Variants in PSMC4 observed in about 807,000 individuals in gnomAD.
PSMC4 encodes the protein 26S proteasome regulatory subunit 6B.
Under a neutral mutation model 48.4 loss-of-function variants are expected in PSMC4, and 13 were observed. The ratio of observed to expected loss-of-function variants is 0.27; its 90% CI spans 0.18 to 0.43. PSMC4 has a LOEUF of 0.43. Among genes scored for constraint, PSMC4 ranks in the 20% least tolerant of loss-of-function variants. The pLI, the probability that PSMC4 is intolerant of heterozygous loss-of-function variation, is 1.00. For synonymous variants in PSMC4, 202 were observed against 212.3 expected, an observed-to-expected ratio of 0.95 and a Z score of 0.42; for missense variants, 262 against 555.9, an observed-to-expected ratio of 0.47 and a Z score of 5.32.
Position 39,980,053 on chromosome 19 carries a change from G to A in PSMC4, c.842-17G>A, listed in dbSNP as rs139915410. 1.9e-4 allele frequency: 308 copies of A among 1,614,078 alleles called. No individual in the cohort carries two copies. The African/African-American group carries it at 3.0e-3, about 16-fold the overall frequency. On this transcript the variant is annotated splice_polypyrimidine_tract_variant and intron_variant, in intron 7 of 10. Transcript: ENST00000157812. The surrounding 1 kb of genome is among the most constrained non-coding windows in gnomAD (Gnocchi z 4.8). The stretch of plus-strand genomic sequence containing the variant: ...TCGCATGGGATGCCTGGGACTGACT[G>A]TGCTGTGCACTCTCAGCCGACAGGG...
Position 39,979,821 on chromosome 19 carries a change from A to G in PSMC4, c.678A>G (p.Ala226=), listed in dbSNP as rs761202884. 4 of 1,598,588 alleles carry G rather than the reference A, an allele frequency of 2.5e-6. No homozygotes were observed. The highest frequency in any genetic ancestry group is 3.4e-6 in the Non-Finnish European group (4 of 1,167,006). The change falls in exon 7 of 11, where the codon GCA becomes GCG. Residue 226 remains alanine (A), a synonymous_variant. Coordinates refer to ENST00000157812, the MANE Select transcript of PSMC4 (RefSeq NM_006503.4). ...CTGTTGTCATCCTGTCATCAGCTGCATTCATCCGGGTCGTGGGCTCGGAGT... is the reference window on the plus strand; with the variant it reads ...CTGTTGTCATCCTGTCATCAGCTGCGTTCATCCGGGTCGTGGGCTCGGAGT... The part of the protein sequence containing the change: ...AKAVAHHTTA[A]FIRVVGSEFV...
Position 39,974,817 on chromosome 19 carries a change from A to G in PSMC4, c.662A>G (p.His221Arg). ...GKTMLAKAVAHHTTAAFIRVV... is the reference protein window; with the variant it reads ...GKTMLAKAVARHTTAAFIRVV... ...ACCATGTTGGCAAAGGCGGTGGCAC[A>G]TCACACAACAGGTGAGCCCTTTCGC... The change falls in exon 6 of 11, where the codon CAT (histidine) becomes CGT (arginine). Residue 221 changes from histidine (H) to arginine (R), a missense_variant. His to Arg is a conservative substitution (Grantham distance 29). Coordinates refer to ENST00000157812, the MANE Select transcript of PSMC4 (RefSeq NM_006503.4). This position sits in a 1 kb window ranked among gnomAD's most constrained non-coding sequence, Gnocchi z 5.5. The G allele has an allele frequency of 6.2e-7, 1 of 1,613,856 alleles. No individual in the cohort carries two copies. The highest frequency in any genetic ancestry group is 2.2e-5 in the East Asian group (1 of 44,876).
chr19:39,974,394 C>T lies in PSMC4; in HGVS notation c.423C>T (p.Asp141=), dbSNP rs780617816. The T allele has an allele frequency of 2.5e-5, 40 of 1,613,924 alleles. No individual in the cohort carries two copies. Among genetic ancestry groups the T allele is most frequent in the South Asian group, 1.2e-4 (11 of 91,088 alleles). The change falls in exon 4 of 11, where the codon GAC becomes GAT. Residue 141 remains aspartate (D), a synonymous_variant. Coordinates refer to ENST00000157812, the MANE Select transcript of PSMC4 (RefSeq NM_006503.4). This position sits in a 1 kb window ranked among gnomAD's most constrained non-coding sequence, Gnocchi z 5.5. ...ACAAGCACAGCAATGCACTGGTGGA[C>T]GTGCTGCCCCCCGAAGCCGACAGCA... ...ALHKHSNALV[D]VLPPEADSSI... is the part of the protein sequence containing the mutation.
chr19:39,974,751 C>A lies in PSMC4; in HGVS notation c.596C>A (p.Pro199His), dbSNP rs372675589. Residue 199 changes from proline (P) to histidine (H), a missense_variant, in exon 6 of 11, where the codon CCC (proline) becomes CAC (histidine). Pro to His is a moderately conservative substitution (Grantham distance 77). Around this residue, in one of 4 missense-constraint regions of PSMC4, gnomAD observed 131 missense variants for 276.7 expected, o/e 0.47. Transcript: ENST00000157812. This position sits in a 1 kb window ranked among gnomAD's most constrained non-coding sequence, Gnocchi z 5.5. ...GGGTTTCAGATCGGCATCGATCCCC[C>A]CCGAGGCGTCCTCATGTATGGCCCA... Reference protein sequence around the residue: ...ELYKQIGIDPPRGVLMYGPPG... With the variant: ...ELYKQIGIDPHRGVLMYGPPG... 7.4e-6 allele frequency: 12 copies of A among 1,614,064 alleles called. No individual in the cohort carries two copies. Among genetic ancestry groups the A allele is most frequent in the South Asian group, 2.2e-5 (2 of 91,092 alleles).
At chr19:39,973,082 G>A (rs11880843) in intron 3 of PSMC4, among the ~76,000 whole-genome samples, 11,601 of 152,182 alleles carry the variant, frequency 0.076, 462 homozygotes, top group African/African-American at 0.087. Context: ...ATCTGTATCT[G>A]TCTCTTACTT....
In PSMC4 at chr19:39,974,160, GA is replaced by G; in HGVS notation, c.323-132del. On this transcript the variant is annotated intron_variant, in intron 3 of 10. Coordinates refer to ENST00000157812, the MANE Select transcript of PSMC4 (RefSeq NM_006503.4). This position sits in a 1 kb window ranked among gnomAD's most constrained non-coding sequence, Gnocchi z 5.5. ...AATACTGGGGACGGACAGCAGGAGG[GA>G]AGGCTGGAGGCCGAGAGGGGACCCC... 9.4e-7 allele frequency: 1 copy of G among 1,065,912 alleles called. No homozygotes were observed. Among genetic ancestry groups the G allele is most frequent in the Non-Finnish European group, 1.3e-6 (1 of 746,118 alleles). The allele number at this position is 1,065,912 out of a possible 1,614,324, so 66.0% of individuals were successfully genotyped here. A position where few individuals can be genotyped will look rare whatever the true frequency, so the allele number is the denominator to read the frequency against.
intron 6 of PSMC4, among the ~76,000 whole-genome samples, chr19:39,977,830 AAAAG>A (rs1971228580): frequency 6.6e-6 from 1 of 152,018 alleles, no homozygotes; most frequent in South Asian, 2.1e-4. Flanking sequence ...TCCAAAAAAA[AAAAG>A]AGAGATAGGG....
chr19:39,979,829 G>C lies in PSMC4; in HGVS notation c.686G>C (p.Arg229Pro). The C allele has an allele frequency of 6.2e-7, 1 of 1,612,110 alleles. No individual in the cohort carries two copies. The stretch of plus-strand genomic sequence containing the variant: ...ATCCTGTCATCAGCTGCATTCATCC[G>C]GGTCGTGGGCTCGGAGTTTGTACAG... The part of the protein sequence containing the change: ...VAHHTTAAFI[R>P]VVGSEFVQKY... Residue 229 changes from arginine to proline, a missense_variant, in exon 7 of 11, where the codon CGG becomes CCG. Coordinates refer to ENST00000157812, the MANE Select transcript of PSMC4 (RefSeq NM_006503.4).
At chr19:39,976,938 C>T (rs1360245728) in intron 6 of PSMC4, among the ~76,000 whole-genome samples, 1 of 150,826 alleles carries the variant, frequency 6.6e-6, no homozygotes, top group Admixed American at 6.6e-5. Context: ...CAACCTCTGC[C>T]TTCTGGGTTC....
Position 39,980,544 on chromosome 19 carries a change from T to G in PSMC4, c.1087+90T>G. 1 of 1,590,084 alleles carries G rather than the reference T, an allele frequency of 6.3e-7. No homozygotes were observed. The highest frequency in any genetic ancestry group is 8.6e-7 in the Non-Finnish European group (1 of 1,159,872). ...CTTCTGCCAGCACCACAGCCCAGAC[T>G]GTGCAGGTGGGACCAAGGTCCAGGG... On this transcript the variant is annotated intron_variant, in intron 9 of 10. Coordinates refer to ENST00000157812, the MANE Select transcript of PSMC4 (RefSeq NM_006503.4). This position sits in a 1 kb window ranked among gnomAD's most constrained non-coding sequence, Gnocchi z 4.8.
At position 39,974,511 on chromosome 19, in the gene PSMC4, G is replaced by A; in HGVS notation, c.470-13G>A. 1 of 1,613,776 alleles carries A rather than the reference G, an allele frequency of 6.2e-7. No homozygotes were observed. Among genetic ancestry groups the A allele is most frequent in the African/African-American group, 1.3e-5 (1 of 75,046 alleles). On this transcript the variant is annotated splice_polypyrimidine_tract_variant and intron_variant, in intron 4 of 10. Transcript: ENST00000157812. The surrounding 1 kb of genome is among the most constrained non-coding windows in gnomAD (Gnocchi z 5.5). ...GGACCTGGCCAGGAGCCCCAGCTCT[G>A]CTCTCCCACCAGACCAGAAGCCAGA...
intron 2 of PSMC4, 21 bp downstream of exon 2, chr19:39,972,265 A>AGACCTT (rs745537727): frequency 6.2e-7 from 1 of 1,612,290 alleles, no homozygotes; most frequent in Non-Finnish European, 8.5e-7. Flanking sequence ...CCCCCAACCC[A>AGACCTT]GACCTTGCAC....
chr19:39,981,088 C>G (rs1971280242), intron 10 of PSMC4, 104 bp from the exon 11 acceptor site: 1 of 846,048 alleles, frequency 1.2e-6, no homozygotes, highest in African/African-American at 1.7e-5. Context: ...AACTCTTGGG[C>G]TCAAGTGATC....
At chr19:39,975,295 T>C (rs974780511) in intron 6 of PSMC4, among the ~76,000 whole-genome samples, 22 of 152,100 alleles carry the variant, frequency 1.4e-4, no homozygotes, top group African/African-American at 5.3e-4. Context: ...TTCTTAAATT[T>C]TTTTGTAGAG....
intron 3 of PSMC4, 75 bp downstream of exon 3, chr19:39,972,630 A>T (rs1971120415): frequency 4.3e-6 from 6 of 1,396,940 alleles, no homozygotes; most frequent in Non-Finnish European, 5.8e-6. Context: ...GCAGCAGCAA[A>T]CAAGGCAGGG....
intron 6 of PSMC4, among the ~76,000 whole-genome samples, chr19:39,975,378 T>A (rs1381830725): frequency 7.5e-6 from 1 of 133,618 alleles, no homozygotes; most frequent in Non-Finnish European, 1.5e-5. Context: ...AGTGCTGGGA[T>A]TACAGGCGTG....
rs1376369872 is a variant in PSMC4, at chr19:39,974,656, G to C, written c.579+23G>C. Reference sequence around the variant, plus strand: ...CAGGTGAGGCGGTGCAGGTGGCAGGGAAGGGAGAGGCCCCATTGGGTCTGG... The same window carrying C: ...CAGGTGAGGCGGTGCAGGTGGCAGGCAAGGGAGAGGCCCCATTGGGTCTGG... On this transcript the variant is annotated intron_variant, in intron 5 of 10. Coordinates refer to ENST00000157812, the MANE Select transcript of PSMC4 (RefSeq NM_006503.4). The surrounding 1 kb of genome is among the most constrained non-coding windows in gnomAD (Gnocchi z 5.5). 3.1e-6 allele frequency: 5 copies of C among 1,609,506 alleles called. No homozygotes were observed. The highest frequency in any genetic ancestry group is 1.3e-5 in the African/African-American group (1 of 74,882).
At position 39,981,683 on chromosome 19, in the gene PSMC4, G is replaced by T. The variant is rs1720155488; in HGVS notation, c.*378G>T. Among the ~76,000 whole-genome samples, 1 of 152,032 alleles carries T rather than the reference G, an allele frequency of 6.6e-6. No individual in the cohort carries two copies. Among genetic ancestry groups the T allele is most frequent in the Non-Finnish European group, 1.5e-5 (1 of 68,010 alleles). ...TGTGCATCTCCCTCATTTCCTACAG[G>T]TAAAAGACAGTAAAGAAATTCAGGT... On this transcript the variant is annotated 3_prime_UTR_variant, in exon 11 of 11. Transcript: ENST00000157812.
At chr19:39,981,070 TG>T in intron 10 of PSMC4, 121 bp from the exon 11 acceptor site, 2 of 722,914 alleles carry the variant, frequency 2.8e-6, no homozygotes, top group African/African-American at 1.7e-5. Context: ...TTGCCCAGGC[TG>T]GTCTCGAACT....
Sources: allele counts gnomAD v4.1 joint callset (sites outside exome capture counted in the v4.1 genomes callset), GRCh38; gene constraint gnomAD v4.1.1; regional missense constraint gnomAD v4.1.1; non-coding constraint Gnocchi (gnomAD v3.1); transcripts MANE v1.5; gene names NCBI Gene and HGNC (gene_info 2026-07-23, HGNC 2026-07-21).